CYP26B1: variants seen among roughly 807,000 people sequenced by gnomAD.
CYP26B1 encodes cytochrome P450 family 26 subfamily B member 1.
Under a neutral mutation model 39.1 loss-of-function variants are expected in CYP26B1, and 8 were observed. That is an observed-to-expected ratio of 0.20 (90% CI 0.12 to 0.37). The LOEUF (loss-of-function observed/expected upper bound fraction) is 0.37, where lower values mean the gene tolerates loss of function less well. Ranked by LOEUF, CYP26B1 falls within the 10% of genes least tolerant of loss-of-function variation. CYP26B1 has a pLI of 1.00. For synonymous variants in CYP26B1, 321 were observed against 314.3 expected, an observed-to-expected ratio of 1.02 and a Z score of -0.23; for missense variants, 615 against 707.0, an observed-to-expected ratio of 0.87 and a Z score of 1.48.
At chr2:72,138,650 C>A (rs1470191410) in intron 2 of CYP26B1, among the ~76,000 whole-genome samples, 2 of 152,198 alleles carry the variant, frequency 1.3e-5, no homozygotes, top group African/African-American at 4.8e-5. Context: ...ATGGACTCCC[C>A]ACCACGGCTG....
intron 2 of CYP26B1, among the ~76,000 whole-genome samples, chr2:72,140,727 G>T (rs1024756462): frequency 1.3e-5 from 2 of 152,190 alleles, no homozygotes; most frequent in African/African-American, 4.8e-5. Flanking sequence ...TCCAAGATGG[G>T]GCCAAAGGTC....
At chr2:72,136,568 C>T (rs1315616159) in intron 2 of CYP26B1, among the ~76,000 whole-genome samples, 9 of 152,128 alleles carry the variant, frequency 5.9e-5, no homozygotes, top group African/African-American at 1.9e-4. Context: ...GGCAGGAGGC[C>T]GGCGAGGGGC....
At position 72,131,264 on chromosome 2, in the gene CYP26B1, G is replaced by A. The variant is rs1021868110; in HGVS notation, c.*963C>T. 5 of 152,358 alleles carry A rather than the reference G, an allele frequency of 3.3e-5. No homozygotes were observed. The highest frequency in any genetic ancestry group is 4.8e-5 in the African/African-American group (2 of 41,450). The allele number at this position is 152,358 out of a possible 1,614,324, so 9.4% of individuals were successfully genotyped here. A position where few individuals can be genotyped will look rare whatever the true frequency, so the allele number is the denominator to read the frequency against. Reference sequence around the variant, plus strand: ...GACTTCAGTCCAGGAGTGAGGCTCCGAGATTAAACCCAAATAATGCCCGGA... The same window carrying A: ...GACTTCAGTCCAGGAGTGAGGCTCCAAGATTAAACCCAAATAATGCCCGGA... On this transcript the variant is annotated 3_prime_UTR_variant, in exon 6 of 6. Coordinates refer to ENST00000001146, the MANE Select transcript of CYP26B1 (RefSeq NM_019885.4).
At chr2:72,133,785 T>A (rs1212589893) in intron 4 of CYP26B1, among the ~76,000 whole-genome samples, 1 of 151,796 alleles carries the variant, frequency 6.6e-6, no homozygotes, top group African/African-American at 2.4e-5. Flanking sequence ...ATTCAGTGGG[T>A]GATCAGGGGA....
chr2:72,144,499 G>GGACCC, intron 1 of CYP26B1: 1 of 1,196,162 alleles, frequency 8.4e-7, no homozygotes, highest in African/African-American at 1.6e-5. Flanking sequence ...CCGGACAGCT[G>GGACCC]GACCCGAAGC....
intron 2 of CYP26B1, among the ~76,000 whole-genome samples, chr2:72,139,798 C>T (rs1359973527): frequency 6.6e-6 from 1 of 152,232 alleles, no homozygotes; most frequent in Admixed American, 6.5e-5. Flanking sequence ...GCTGGCCACA[C>T]CCACCAGAAG....
intron 2 of CYP26B1, among the ~76,000 whole-genome samples, chr2:72,138,412 AGGACTCGGGCACACTG>A (rs1676840412): frequency 6.6e-6 from 1 of 151,980 alleles, no homozygotes; most frequent in South Asian, 2.1e-4. Context: ...TGCTGGGGTC[AGGACTCGGGCACACTG>A]GGAAGGTGCC....
At chr2:72,139,313 T>G (rs1043145818) in intron 2 of CYP26B1, among the ~76,000 whole-genome samples, 1 of 152,062 alleles carries the variant, frequency 6.6e-6, no homozygotes, top group African/African-American at 2.4e-5. Context: ...CGCCAAGGTG[T>G]GTACTTTATA....
Position 72,147,517 on chromosome 2 carries a change from G to A in CYP26B1, c.204+114C>T. 1 of 1,064,692 alleles carries A rather than the reference G, an allele frequency of 9.4e-7. No individual in the cohort carries two copies. The highest frequency in any genetic ancestry group is 3.1e-5 in the East Asian group (1 of 32,720). The allele number at this position is 1,064,692 out of a possible 1,614,324, so 66.0% of individuals were successfully genotyped here. A position where few individuals can be genotyped will look rare whatever the true frequency, so the allele number is the denominator to read the frequency against. ...GCGGCAGAGAGGAGGGAAGGGGCGG[G>A]GCGGGGACCAGTGCCTTCAGGCTCC... On this transcript the variant is annotated intron_variant, in intron 1 of 5. Transcript: ENST00000001146. The surrounding 1 kb of genome is among the most constrained non-coding windows in gnomAD (Gnocchi z 6.1).
In CYP26B1 at chr2:72,132,097, G is replaced by C; in HGVS notation, c.*130C>G. 2 of 1,083,052 alleles carry C rather than the reference G, an allele frequency of 1.8e-6. No homozygotes were observed. The highest frequency in any genetic ancestry group is 1.6e-5 in the African/African-American group (1 of 63,454). 67.1% of individuals were successfully genotyped at this position (1,083,052 alleles called of 1,614,324 possible). ...GCTTTGGGTAGGGTTTGCCAGGGAG[G>C]GGGAGCAAGGGAGGGCAAGTATGGG... On this transcript the variant is annotated 3_prime_UTR_variant, in exon 6 of 6. Coordinates refer to ENST00000001146, the MANE Select transcript of CYP26B1 (RefSeq NM_019885.4).
chr2:72,147,688 G>C lies in CYP26B1; in HGVS notation c.147C>G (p.Ile49Met). The C allele has an allele frequency of 6.2e-7, 1 of 1,609,706 alleles. No individual in the cohort carries two copies. Among genetic ancestry groups the C allele is most frequent in the Non-Finnish European group, 8.5e-7 (1 of 1,178,502 alleles). Reference sequence around the variant, plus strand: ...GCGGGAAGCCCATGGATCCCTTGGGGATGGGCAGCTTGCAGCTCTTGTCGC... The same window carrying C: ...GCGGGAAGCCCATGGATCCCTTGGGCATGGGCAGCTTGCAGCTCTTGTCGC... ...ATRDKSCKLP[I>M]PKGSMGFPLI... Residue 49 changes from isoleucine (I) to methionine (M), a missense_variant, in exon 1 of 6, where the codon ATC becomes ATG. Ile to Met is a conservative substitution (Grantham distance 10). Transcript: ENST00000001146. This position sits in a 1 kb window ranked among gnomAD's most constrained non-coding sequence, Gnocchi z 6.1.
chr2:72,137,618 C>CTGCCG (rs886721941), intron 2 of CYP26B1, among the ~76,000 whole-genome samples: 8 of 152,246 alleles, frequency 5.3e-5, no homozygotes, highest in African/African-American at 1.9e-4. Flanking sequence ...CTGCCCTGCC[C>CTGCCG]TGCCCCGTGG....
chr2:72,147,496 CAG>C lies in CYP26B1; in HGVS notation c.204+133_204+134del, dbSNP rs1172945693. On this transcript the variant is annotated intron_variant, in intron 1 of 5. Coordinates refer to ENST00000001146, the MANE Select transcript of CYP26B1 (RefSeq NM_019885.4). The surrounding 1 kb of genome is among the most constrained non-coding windows in gnomAD (Gnocchi z 6.1). ...GCTGGGGAAGCCCGGGCTGCTGCGG[CAG>C]AGAGGAGGGAAGGGGCGGGGCGGGG... is the stretch of plus-strand genomic sequence containing the variant. 7 of 907,446 alleles carry C rather than the reference CAG, an allele frequency of 7.7e-6. No homozygotes were observed. Among genetic ancestry groups the C allele is most frequent in the East Asian group, 6.4e-5 (2 of 31,036 alleles). 56.2% of individuals were successfully genotyped at this position (907,446 alleles called of 1,614,324 possible). A position where few individuals can be genotyped will look rare whatever the true frequency, so the allele number is the denominator to read the frequency against.
At chr2:72,138,401 C>T (rs1676839965) in intron 2 of CYP26B1, among the ~76,000 whole-genome samples, 1 of 152,204 alleles carries the variant, frequency 6.6e-6, no homozygotes, top group Non-Finnish European at 1.5e-5. Context: ...AGGCCATCAC[C>T]TGCTGGGGTC....
chr2:72,132,433 G>T lies in CYP26B1; in HGVS notation c.1333C>A (p.His445Asn). The change falls in exon 6 of 6, where the codon CAC becomes AAC. Residue 445 changes from histidine to asparagine, a missense_variant. By Grantham distance (68) the His-to-Asn change is moderately conservative (BLOSUM62 1). Coordinates refer to ENST00000001146, the MANE Select transcript of CYP26B1 (RefSeq NM_019885.4). ...ACCTTCAGGAACAGCTTGGCCAGGTGCTTGCCCAGGCAGGTCCGGACACCG... is the reference window on the plus strand; with the variant it reads ...ACCTTCAGGAACAGCTTGGCCAGGTTCTTGCCCAGGCAGGTCCGGACACCG... ...GGGVRTCLGK[H>N]LAKLFLKVLA... 6.2e-7 allele frequency: 1 copy of T among 1,613,220 alleles called. No individual in the cohort carries two copies. The highest frequency in any genetic ancestry group is 8.5e-7 in the Non-Finnish European group (1 of 1,179,586).
At position 72,132,482 on chromosome 2, in the gene CYP26B1, G is replaced by T; in HGVS notation, c.1284C>A (p.Arg428=). The T allele has an allele frequency of 6.2e-7, 1 of 1,613,160 alleles. No individual in the cohort carries two copies. Among genetic ancestry groups the T allele is most frequent in the Non-Finnish European group, 8.5e-7 (1 of 1,179,582 alleles). Residue 428 remains arginine (R), a synonymous_variant, in exon 6 of 6, where the codon CGC becomes CGA. Transcript: ENST00000001146. ...SQARSEDKDG[R]FHYLPFGGGV... ...CGCCACCGAACGGGAGGTAATGGAA[G>T]CGGCCATCCTTGTCCTCGCTCCGCG...
In CYP26B1 at chr2:72,147,222, C is replaced by T. The variant is rs1273563672; in HGVS notation, c.204+409G>A. Among the ~76,000 whole-genome samples the T allele has an allele frequency of 2.0e-5, 3 of 152,194 alleles. No individual in the cohort carries two copies. Among genetic ancestry groups the T allele is most frequent in the African/African-American group, 7.2e-5 (3 of 41,468 alleles). On this transcript the variant is annotated intron_variant, in intron 1 of 5. Transcript: ENST00000001146. The surrounding 1 kb of genome is among the most constrained non-coding windows in gnomAD (Gnocchi z 6.1). ...AATTTTCGGCTCCCAGCGACACAGC[C>T]AACCCCAGAAAGCCGAGGGCGACTG...
chr2:72,143,974 G>C lies in CYP26B1; in HGVS notation c.429+15C>G, dbSNP rs756705420. 4 of 1,613,032 alleles carry C rather than the reference G, an allele frequency of 2.5e-6. No homozygotes were observed. Among genetic ancestry groups the C allele is most frequent in the Non-Finnish European group, 3.4e-6 (4 of 1,179,838 alleles). ...GGGGAGGGATTGCGCGGAAGAAAAC[G>C]GGCAGAGTTCTTACCTTGCGCTTGT... is the stretch of plus-strand genomic sequence containing the variant. On this transcript the variant is annotated intron_variant, in intron 2 of 5. Coordinates refer to ENST00000001146, the MANE Select transcript of CYP26B1 (RefSeq NM_019885.4).
At chr2:72,138,742 G>C (rs1228536469) in intron 2 of CYP26B1, among the ~76,000 whole-genome samples, 1 of 152,088 alleles carries the variant, frequency 6.6e-6, no homozygotes, top group African/African-American at 2.4e-5. Flanking sequence ...CAGAGGCTCA[G>C]GCAGGAGGGA....
Sources: gnomAD v4.1 joint callset for allele counts (sites outside exome capture counted in the v4.1 genomes callset) on GRCh38, gnomAD v4.1.1 for gene constraint, Gnocchi (gnomAD v3.1) non-coding constraint, MANE v1.5 for transcripts, NCBI Gene and HGNC (gene_info 2026-07-23, HGNC 2026-07-21) for gene names.